Variants in CES5A observed in about 807,000 individuals in gnomAD.
CES5A encodes carboxylesterase 5.
In CES5A, 67 loss-of-function variants were observed where a neutral mutation model predicts 62.9. The observed-to-expected ratio is 1.07, with a 90% CI of 0.88 to 1.31. The LOEUF is 1.31. Among genes scored for constraint, CES5A ranks in the 50% most tolerant of loss-of-function variants. CES5A has a pLI of 0.00. For synonymous variants in CES5A, 296 were observed against 280.8 expected (o/e 1.05, Z -0.54); for missense variants, 748 against 708.5 (o/e 1.06, Z -0.63).
chr16:55,934,654 T>TGG (rs113166706), intron 2 of CES5A, among the ~76,000 whole-genome samples: 20 of 142,046 alleles, frequency 1.4e-4, no homozygotes, highest in African/African-American at 4.9e-4. Context: ...AGAAATTGTG[T>TGG]GGGGTGTGTG....
At chr16:55,934,455 T>TTAA (rs1567360365) in intron 2 of CES5A, among the ~76,000 whole-genome samples, 2 of 152,222 alleles carry the variant, frequency 1.3e-5, no homozygotes, top group African/African-American at 4.8e-5. Flanking sequence ...AGTACAATAT[T>TTAA]GATCCACGGA....
In CES5A at chr16:55,846,760, T is replaced by G. The variant is rs2033020462; in HGVS notation, c.1496+8A>C. The G allele has an allele frequency of 6.2e-7, 1 of 1,613,948 alleles. No individual in the cohort carries two copies. The highest frequency in any genetic ancestry group is 1.1e-5 in the South Asian group (1 of 91,082). ...CTTGGCATGGGGGAGACCGGGAGGTTTACTTACCCGGTTCGAGCAAAGGTA... is the reference window on the plus strand; with the variant it reads ...CTTGGCATGGGGGAGACCGGGAGGTGTACTTACCCGGTTCGAGCAAAGGTA... On this transcript the variant is annotated splice_region_variant and intron_variant, in intron 12 of 12. Transcript: ENST00000290567.
At position 55,945,928 on chromosome 16, in the gene CES5A, C is replaced by T. The variant is rs146285811; in HGVS notation, c.160+3857G>A. 6.6e-3 allele frequency among the ~76,000 whole-genome samples: 1,003 copies of T among 152,202 alleles called. 14 individuals carry two copies. The highest frequency in any genetic ancestry group is 0.023 in the African/African-American group (969 of 41,528). On this transcript the variant is annotated intron_variant, in intron 2 of 13. Coordinates refer to the CES5A transcript ENST00000521992. ...GAACACTACAGTCCCTCTCCCTATG[C>T]CCCAGGATTTGACCCTCCTGAGCAA...
chr16:55,937,296 T>C (rs2034386973), intron 2 of CES5A, among the ~76,000 whole-genome samples: 1 of 152,178 alleles, frequency 6.6e-6, no homozygotes, highest in Admixed American at 6.5e-5. Flanking sequence ...ACTGCTTCCA[T>C]ATCTGCCTCC....
chr16:55,865,931 G>A, intron 5 of CES5A, 32 bp downstream of exon 5: 4 of 1,613,728 alleles, frequency 2.5e-6, no homozygotes, highest in Non-Finnish European at 3.4e-6. Flanking sequence ...CCGGCACTGA[G>A]ATTCATTCAA....
chr16:55,871,455 T>C (rs1287567499), intron 3 of CES5A, among the ~76,000 whole-genome samples, 170 bp downstream of exon 3: 2 of 152,206 alleles, frequency 1.3e-5, no homozygotes, highest in African/African-American at 2.4e-5. Flanking sequence ...TCAGAAAAAC[T>C]GATCATGTGA....
upstream of CES5A, among the ~76,000 whole-genome samples, chr16:55,928,641 T>C (rs1228257128): frequency 3.3e-5 from 5 of 152,196 alleles, no homozygotes; most frequent in Non-Finnish European, 7.3e-5. Context: ...TAAAATAAAA[T>C]TTCCACTGAG....
rs1232605172 is a variant in CES5A, at chr16:55,875,278, T to G, written c.-57A>C. 7 of 1,589,274 alleles carry G rather than the reference T, an allele frequency of 4.4e-6. No homozygotes were observed. Among genetic ancestry groups the G allele is most frequent in the Non-Finnish European group, 6.0e-6 (7 of 1,168,968 alleles). On this transcript the variant is annotated 5_prime_UTR_variant, in exon 1 of 13. Coordinates refer to ENST00000290567, the MANE Select transcript of CES5A (RefSeq NM_001143685.2). ...ACGGCGGCTGCTGGCCTCAGAGAGC[T>G]TCAGTTGGGAGCCAGAAAGAGCTTC...
chr16:55,849,909 TC>T (rs1443799292), intron 10 of CES5A, 136 bp from the exon 11 acceptor site: 1 of 877,808 alleles, frequency 1.1e-6, no homozygotes, highest in Non-Finnish European at 1.7e-6. Context: ...TCCCCCTTCC[TC>T]ATTTGAGGCT....
chr16:55,914,136 A>T (rs938156485), intron 1 of CES5A, among the ~76,000 whole-genome samples: 13 of 152,234 alleles, frequency 8.5e-5, no homozygotes, highest in Non-Finnish European at 1.9e-4. Context: ...TGTATTACCT[A>T]AAGTTCAACT....
At chr16:55,916,706 A>C (rs534374587) in intron 1 of CES5A, among the ~76,000 whole-genome samples, 1 of 152,242 alleles carries the variant, frequency 6.6e-6, no homozygotes, top group South Asian at 2.1e-4. Context: ...CAAGAACCAC[A>C]CAGGAAAGTA....
At chr16:55,876,994 G>A (rs1283925336), upstream of CES5A, among the ~76,000 whole-genome samples, 2 of 152,142 alleles carry the variant, frequency 1.3e-5, no homozygotes, top group African/African-American at 2.4e-5. Flanking sequence ...AGTCAGTCAG[G>A]GGGAATCAGT....
At chr16:55,942,001 T>C (rs2034451102) in intron 2 of CES5A, among the ~76,000 whole-genome samples, 1 of 152,190 alleles carries the variant, frequency 6.6e-6, no homozygotes, top group East Asian at 1.9e-4. Context: ...AAAATGTTTT[T>C]AACAGAAGCG....
chr16:55,912,379 C>A (rs1010913684), intron 1 of CES5A, among the ~76,000 whole-genome samples: 2 of 152,168 alleles, frequency 1.3e-5, no homozygotes, highest in Non-Finnish European at 2.9e-5. Context: ...TGTGCCGGGT[C>A]TCTCTGGGCT....
rs28702080 is a variant in CES5A at position 55,888,465 on chromosome 16, A to G, written c.-255-14428T>C. 8.7e-3 allele frequency among the ~76,000 whole-genome samples: 1,332 copies of G among 152,316 alleles called. 25 individuals carry two copies. Among genetic ancestry groups the G allele is most frequent in the African/African-American group, 0.031 (1,268 of 41,568 alleles). On this transcript the variant is annotated intron_variant, in intron 1 of 12. Coordinates refer to the CES5A transcript ENST00000518005. ...CTAGTAGATATTCTGTTAATTGTCC[A>G]GTAGGTCTCTGGAACTAAGACCCAA...
At chr16:55,926,569 A>G (rs1217923050), upstream of CES5A, among the ~76,000 whole-genome samples, 7 of 152,234 alleles carry the variant, frequency 4.6e-5, no homozygotes, top group African/African-American at 1.7e-4. Context: ...AAAATAAGTC[A>G]GAAGAGGCCA....
intron 4 of CES5A, 176 bp downstream of exon 4, chr16:55,869,435 C>T: frequency 2.5e-6 from 3 of 1,210,402 alleles, no homozygotes; most frequent in South Asian, 2.3e-5. Flanking sequence ...TTGTTTCAAG[C>T]CACCAACATT....
In CES5A at chr16:55,859,576, T is replaced by C; in HGVS notation, c.1027A>G (p.Asn343Asp). The change falls in exon 8 of 13, where the codon AAC (asparagine) becomes GAC (aspartate). Residue 343 changes from asparagine (N) to aspartate (D), a missense_variant. Coordinates refer to ENST00000290567, the MANE Select transcript of CES5A (RefSeq NM_001143685.2). ...KAIPSIIGVN[N>D]HECGFLLPMK... Reference sequence around the variant, plus strand: ...GGCAGCAGGAAGCCACACTCGTGGTTATTGACTCCGATGATGGAAGGAATT... The same window carrying C: ...GGCAGCAGGAAGCCACACTCGTGGTCATTGACTCCGATGATGGAAGGAATT... 1 of 1,613,562 alleles carries C rather than the reference T, an allele frequency of 6.2e-7. No individual in the cohort carries two copies.
intron 1 of CES5A, among the ~76,000 whole-genome samples, chr16:55,890,897 G>A (rs1412322875): frequency 6.6e-6 from 1 of 152,128 alleles, no homozygotes; most frequent in African/African-American, 2.4e-5. Context: ...TCTCTTCAAA[G>A]AATCAATATG....
Sources: gnomAD v4.1 joint callset for allele counts (sites outside exome capture counted in the v4.1 genomes callset) on GRCh38, gnomAD v4.1.1 for gene constraint, MANE v1.5 for transcripts, NCBI Gene and HGNC (gene_info 2026-07-23, HGNC 2026-07-21) for gene names.